TMEM132D: variants seen among roughly 807,000 people sequenced by gnomAD.
The protein encoded by TMEM132D is transmembrane protein 132D.
In TMEM132D, 21 loss-of-function variants were observed where a neutral mutation model predicts 62.3. The observed-to-expected ratio is 0.34, with a 90% CI of 0.24 to 0.49. The LOEUF is 0.49. TMEM132D is among the 20% of genes least tolerant of loss of function. TMEM132D has a pLI of 0.99. For synonymous variants in TMEM132D, 621 were observed against 575.6 expected (o/e 1.08, Z -1.13); for missense variants, 1,346 against 1,402.8 (o/e 0.96, Z 0.65).
chr12:129,517,468 T>A (rs1173911844), intron 3 of TMEM132D, among the ~76,000 whole-genome samples: 1 of 151,994 alleles, frequency 6.6e-6, no homozygotes, highest in East Asian at 1.9e-4. Context: ...TGTCTACAGA[T>A]AAAGGGGGTG....
At chr12:129,668,995 C>T (rs1378943639) in intron 2 of TMEM132D, among the ~76,000 whole-genome samples, 1 of 152,182 alleles carries the variant, frequency 6.6e-6, no homozygotes, top group African/African-American at 2.4e-5. Flanking sequence ...CCCACATTAT[C>T]TTACGTCCTC....
intron 1 of TMEM132D, among the ~76,000 whole-genome samples, chr12:129,777,741 C>G (rs891001371): frequency 6.6e-6 from 1 of 152,124 alleles, no homozygotes; most frequent in Non-Finnish European, 1.5e-5. Context: ...TTACAAAACA[C>G]AAGCATTATC....
chr12:129,207,129 G>A (rs1878872070), intron 5 of TMEM132D, among the ~76,000 whole-genome samples: 1 of 151,892 alleles, frequency 6.6e-6, no homozygotes, highest in African/African-American at 2.4e-5. Context: ...CACACAAAAA[G>A]AAAAAAACAA....
chr12:129,081,688 TCTC>T lies in TMEM132D; in HGVS notation c.1923+68_1923+70del. 5.3e-6 allele frequency: 8 copies of T among 1,501,120 alleles called. No homozygotes were observed. The South Asian group carries it at 8.2e-5, about 15-fold the overall frequency. 93.0% of individuals were successfully genotyped at this position (1,501,120 alleles called of 1,614,324 possible). ...TCCCAGCAATGACAAACAGCTGGTT[TCTC>T]CTCTAGGTAGAGCAGAGGTGGGAAG... On this transcript the variant is annotated intron_variant, in intron 7 of 8. Transcript: ENST00000422113.
At chr12:129,547,548 T>C (rs1484004) in intron 2 of TMEM132D, among the ~76,000 whole-genome samples, 2 of 152,132 alleles carry the variant, frequency 1.3e-5, no homozygotes, top group Non-Finnish European at 2.9e-5. Flanking sequence ...AGTTCAACCC[T>C]CAACACCGGT....
chr12:129,136,818 T>C (rs957925610), intron 5 of TMEM132D, among the ~76,000 whole-genome samples: 1 of 86,302 alleles, frequency 1.2e-5, no homozygotes, highest in African/African-American at 5.0e-5. Flanking sequence ...CATCATCACA[T>C]CAATACCATC....
chr12:129,569,596 T>C (rs1877456511), intron 2 of TMEM132D, among the ~76,000 whole-genome samples: 1 of 152,152 alleles, frequency 6.6e-6, no homozygotes, highest in African/African-American at 2.4e-5. Context: ...CACAATTTTA[T>C]TAAAATTTTC....
chr12:129,721,554 C>T (rs1175038315), intron 1 of TMEM132D, among the ~76,000 whole-genome samples: 1 of 152,134 alleles, frequency 6.6e-6, no homozygotes, highest in Non-Finnish European at 1.5e-5. Context: ...GTGCTGCTGG[C>T]GCTCTAGGTG....
In TMEM132D at chr12:129,836,495, AGT is replaced by A. The variant is rs3046909; in HGVS notation, c.79+66764_79+66765del. Among the ~76,000 whole-genome samples, 240 of 150,576 alleles carry A rather than the reference AGT, an allele frequency of 1.6e-3. 1 individual carries two copies. Among genetic ancestry groups the A allele is most frequent in the Middle Eastern group, 7.0e-3 (2 of 286 alleles). On this transcript the variant is annotated intron_variant, in intron 1 of 8. Transcript: ENST00000422113. ...ATTGCTTGTGTCTCCAGGAATGCAG[AGT>A]GTGTGTGTGTGTGTGTGTGCGCGCG...
chr12:129,173,615 G>T (rs1793324146), intron 5 of TMEM132D, among the ~76,000 whole-genome samples: 1 of 152,182 alleles, frequency 6.6e-6, no homozygotes, highest in Non-Finnish European at 1.5e-5. Flanking sequence ...TTACGCCAGT[G>T]TTCAATTCTA....
chr12:129,795,946 G>A (rs1276695434), intron 1 of TMEM132D, among the ~76,000 whole-genome samples: 1 of 151,982 alleles, frequency 6.6e-6, no homozygotes, highest in Non-Finnish European at 1.5e-5. Context: ...GATTACGTTG[G>A]CTTCCTAAAA....
intron 2 of TMEM132D, among the ~76,000 whole-genome samples, chr12:129,661,247 G>C (rs181579154): frequency 6.6e-6 from 1 of 152,198 alleles, no homozygotes; most frequent in Admixed American, 6.5e-5. Flanking sequence ...AGCCATGGAC[G>C]CAGGCATACT....
At chr12:129,297,724 G>A (rs1042546838) in intron 4 of TMEM132D, among the ~76,000 whole-genome samples, 4 of 152,162 alleles carry the variant, frequency 2.6e-5, no homozygotes, top group African/African-American at 4.8e-5. Flanking sequence ...CTGGATAAGC[G>A]AGGTTATCAG....
chr12:129,860,970 A>G (rs1164442726), intron 1 of TMEM132D, among the ~76,000 whole-genome samples: 1 of 152,224 alleles, frequency 6.6e-6, no homozygotes, highest in Non-Finnish European at 1.5e-5. Context: ...TATGGGAACT[A>G]CAATTCAAGA....
intron 1 of TMEM132D, among the ~76,000 whole-genome samples, chr12:129,815,948 T>C (rs778052184): frequency 6.6e-6 from 1 of 152,216 alleles, no homozygotes; most frequent in Non-Finnish European, 1.5e-5. Context: ...AAACCTTTAA[T>C]TGGCAACTGC....
chr12:129,298,286 T>G (rs758511471), intron 4 of TMEM132D, among the ~76,000 whole-genome samples: 1 of 152,210 alleles, frequency 6.6e-6, no homozygotes, highest in Admixed American at 6.5e-5. Context: ...ACCTACAGCT[T>G]GCAAAGTCAC....
chr12:129,170,806 T>A (rs371452923), intron 5 of TMEM132D, among the ~76,000 whole-genome samples: 1 of 147,632 alleles, frequency 6.8e-6, no homozygotes, highest in Non-Finnish European at 1.5e-5. Flanking sequence ...AGACTCCAAG[T>A]AAAAAAAAAA....
chr12:129,497,129 G>A (rs573561070), intron 3 of TMEM132D, among the ~76,000 whole-genome samples: 34 of 152,248 alleles, frequency 2.2e-4, no homozygotes, highest in African/African-American at 7.7e-4. Context: ...CCAACATAGT[G>A]AAACCCCGTC....
At chr12:129,414,550 G>A (rs1254955495) in intron 3 of TMEM132D, among the ~76,000 whole-genome samples, 1 of 152,200 alleles carries the variant, frequency 6.6e-6, no homozygotes, top group Non-Finnish European at 1.5e-5. Context: ...ATGGGGGGAT[G>A]CAGCATGATG....
Sources: gnomAD v4.1 joint callset for allele counts (sites outside exome capture counted in the v4.1 genomes callset) on GRCh38, gnomAD v4.1.1 for gene constraint, MANE v1.5 for transcripts, NCBI Gene and HGNC (gene_info 2026-07-23, HGNC 2026-07-21) for gene names.